PTPRG: variants seen among roughly 807,000 people sequenced by gnomAD.
The protein encoded by PTPRG is receptor-type tyrosine-protein phosphatase gamma.
PTPRG carries 102 observed loss-of-function variants against 165.3 expected under a neutral mutation model. The ratio of observed to expected loss-of-function variants is 0.62; its 90% confidence interval spans 0.53 to 0.73. PTPRG has a LOEUF of 0.73. Ranked by LOEUF, PTPRG falls within the 30% of genes least tolerant of loss-of-function variation. PTPRG has a pLI of 0.00. For missense variants in PTPRG, 1,866 were observed against 1,861.4 expected (o/e 1.00, Z -0.05); for synonymous variants, 675 against 669.5 (o/e 1.01, Z -0.13).
At chr3:62,011,307 G>A (rs1449767377) in intron 4 of PTPRG, among the ~76,000 whole-genome samples, 1 of 152,220 alleles carries the variant, frequency 6.6e-6, no homozygotes, top group Non-Finnish European at 1.5e-5. Context: ...GGGCGGGTCG[G>A]AGGTTCTACG....
At chr3:61,860,472 G>T (rs1284011663) in intron 2 of PTPRG, among the ~76,000 whole-genome samples, 1 of 106,630 alleles carries the variant, frequency 9.4e-6, no homozygotes, top group Non-Finnish European at 1.7e-5. Context: ...ACGAAGTCTC[G>T]CTTTGTTGCC....
intron 1 of PTPRG, among the ~76,000 whole-genome samples, chr3:61,716,587 G>C (rs2031818020): frequency 6.6e-6 from 1 of 151,964 alleles, no homozygotes; most frequent in Non-Finnish European, 1.5e-5. Flanking sequence ...TCTTATTGTT[G>C]GGTTATGAAG....
chr3:61,565,639 G>A (rs926139861), intron 1 of PTPRG, among the ~76,000 whole-genome samples: 1 of 149,474 alleles, frequency 6.7e-6, no homozygotes, highest in African/African-American at 2.5e-5. Flanking sequence ...TTTGTCTTTC[G>A]GCCCTCAGAG....
intron 2 of PTPRG, among the ~76,000 whole-genome samples, chr3:61,987,729 T>C (rs563802986): frequency 1.6e-4 from 23 of 145,416 alleles, no homozygotes; most frequent in South Asian, 1.0e-3. Flanking sequence ...TGGTCAGCCA[T>C]CTAATAAATC....
chr3:61,694,529 CT>C (rs2030444384), intron 1 of PTPRG, among the ~76,000 whole-genome samples: 1 of 152,196 alleles, frequency 6.6e-6, no homozygotes, highest in African/African-American at 2.4e-5. Context: ...AATACGCATA[CT>C]TTCTGACTCA....
intron 1 of PTPRG, among the ~76,000 whole-genome samples, chr3:61,686,656 A>G (rs1703642330): frequency 6.6e-6 from 1 of 152,344 alleles, no homozygotes; most frequent in Middle Eastern, 3.4e-3. Flanking sequence ...CAGCCCATTA[A>G]TAGGGGCTGT....
At chr3:61,841,360 C>T (rs1425334074) in intron 2 of PTPRG, among the ~76,000 whole-genome samples, 3 of 152,112 alleles carry the variant, frequency 2.0e-5, no homozygotes, top group East Asian at 3.8e-4. Flanking sequence ...AATTAAGAGC[C>T]TGTTGCTCTC....
chr3:62,199,368 G>T (rs1700043334), intron 10 of PTPRG, among the ~76,000 whole-genome samples: 1 of 152,156 alleles, frequency 6.6e-6, no homozygotes, highest in Non-Finnish European at 1.5e-5. Context: ...GGGCCAGGCA[G>T]GGGGCATGTA....
intron 14 of PTPRG, among the ~76,000 whole-genome samples, chr3:62,231,818 A>G (rs1700908935): frequency 6.6e-6 from 1 of 151,810 alleles, no homozygotes; most frequent in South Asian, 2.1e-4. Context: ...AGAATGGTGA[A>G]GTTGTTTTTT....
intron 2 of PTPRG, among the ~76,000 whole-genome samples, chr3:61,795,962 A>G (rs2035033082): frequency 6.6e-6 from 1 of 152,272 alleles, no homozygotes; most frequent in African/African-American, 2.4e-5. Context: ...ATACCTCTTT[A>G]ACTTTATTCA....
chr3:61,792,240 C>T (rs899803118), intron 2 of PTPRG, among the ~76,000 whole-genome samples: 3 of 151,962 alleles, frequency 2.0e-5, no homozygotes. Context: ...CTTATTCTGT[C>T]ACCCAGGCTG....
At chr3:61,801,990 A>G (rs964014384) in intron 2 of PTPRG, among the ~76,000 whole-genome samples, 3 of 146,812 alleles carry the variant, frequency 2.0e-5, no homozygotes, top group African/African-American at 7.7e-5. Flanking sequence ...GCACCATTGC[A>G]CTCCAGCCTG....
intron 5 of PTPRG, among the ~76,000 whole-genome samples, chr3:62,126,953 A>C (rs1271174422): frequency 6.6e-6 from 1 of 152,210 alleles, no homozygotes; most frequent in Non-Finnish European, 1.5e-5. Context: ...TTGGAATGTC[A>C]AAAGGGAAAA....
intron 1 of PTPRG, among the ~76,000 whole-genome samples, chr3:61,688,075 G>A (rs1280522672): frequency 6.6e-6 from 1 of 152,164 alleles, no homozygotes; most frequent in Non-Finnish European, 1.5e-5. Context: ...CCTGAGTGTG[G>A]CTGACATCAC....
At chr3:61,681,273 A>C (rs1476265585) in intron 1 of PTPRG, among the ~76,000 whole-genome samples, 1 of 152,208 alleles carries the variant, frequency 6.6e-6, no homozygotes, top group African/African-American at 2.4e-5. Flanking sequence ...AATGCCACAG[A>C]AACTACCCAC....
intron 5 of PTPRG, among the ~76,000 whole-genome samples, chr3:62,103,183 C>A (rs921201110): frequency 6.7e-6 from 1 of 150,224 alleles, no homozygotes; most frequent in Non-Finnish European, 1.5e-5. Flanking sequence ...GCTATTGGAA[C>A]ATTCAACCTC....
chr3:62,009,462 C>G (rs553990967), intron 4 of PTPRG, among the ~76,000 whole-genome samples: 59 of 152,316 alleles, frequency 3.9e-4, no homozygotes, highest in African/African-American at 1.4e-3. Flanking sequence ...ATATCCATGT[C>G]TTCAGGTATG....
chr3:61,923,603 G>A (rs1429022604), intron 2 of PTPRG, among the ~76,000 whole-genome samples: 1 of 129,932 alleles, frequency 7.7e-6, no homozygotes, highest in Non-Finnish European at 1.5e-5. Context: ...TCCCCTTCCT[G>A]TCTCCATGTG....
intron 4 of PTPRG, among the ~76,000 whole-genome samples, chr3:62,044,515 G>A (rs1315226375): frequency 6.6e-6 from 1 of 151,826 alleles, no homozygotes; most frequent in Non-Finnish European, 1.5e-5. Flanking sequence ...CTCCAGCCTG[G>A]GTGACAGAGC....
Sources: gnomAD v4.1 joint callset for allele counts (sites outside exome capture counted in the v4.1 genomes callset) on GRCh38, gnomAD v4.1.1 for gene constraint, MANE v1.5 for transcripts, NCBI Gene and HGNC (gene_info 2026-07-23, HGNC 2026-07-21) for gene names.